Variants in BCKDHA observed in about 807,000 individuals in gnomAD.
BCKDHA encodes the protein branched chain keto acid dehydrogenase E1 subunit alpha, also known as 2-oxoisovalerate dehydrogenase subunit alpha, mitochondrial.
BCKDHA carries 43 observed loss-of-function variants against 52.2 expected under a neutral mutation model. That is an observed-to-expected ratio of 0.82 (90% CI 0.64 to 1.06). BCKDHA has a LOEUF of 1.06. Among genes scored for constraint, BCKDHA ranks in the 50% least tolerant of loss-of-function variants. BCKDHA has a pLI of 0.00. For missense variants in BCKDHA, 527 were observed against 621.3 expected (o/e 0.85, Z 1.61); for synonymous variants, 234 against 247.9 (o/e 0.94, Z 0.53).
intron 6 of BCKDHA, 51 bp downstream of exon 6, chr19:41,422,421 T>C (rs2039377806): frequency 6.2e-7 from 1 of 1,606,176 alleles, no homozygotes; most frequent in African/African-American, 1.3e-5. Flanking sequence ...TCTCCTTCCC[T>C]CCCCAATCCT....
In BCKDHA at chr19:41,410,494, G is replaced by C. The variant is rs921464733; in HGVS notation, c.109-143G>C. ...GCAGTGAGAAAGTGCTGGAGTTGGGGCTCAGACCCTGTGAGTCAGGCCCCA... is the reference window on the plus strand; with the variant it reads ...GCAGTGAGAAAGTGCTGGAGTTGGGCCTCAGACCCTGTGAGTCAGGCCCCA... On this transcript the variant is annotated intron_variant, in intron 1 of 8. Coordinates refer to ENST00000269980, the MANE Select transcript of BCKDHA (RefSeq NM_000709.4). 55 of 851,692 alleles carry C rather than the reference G, an allele frequency of 6.5e-5. No homozygotes were observed. In the Middle Eastern group the frequency reaches 1.4e-3, roughly 21 times the overall value. 52.8% of individuals were successfully genotyped at this position (851,692 alleles called of 1,614,324 possible). A position where few individuals can be genotyped will look rare whatever the true frequency, so the allele number is the denominator to read the frequency against.
In BCKDHA at chr19:41,422,811, C is replaced by T. The variant is rs766537321; in HGVS notation, c.995+41C>T. On this transcript the variant is annotated intron_variant, in intron 7 of 8. Coordinates refer to ENST00000269980, the MANE Select transcript of BCKDHA (RefSeq NM_000709.4). ...CCCGTCAGCACCCCCACAGCACTGACAGCCACCGTAGCATCTTCCTCATAT... is the reference window on the plus strand; with the variant it reads ...CCCGTCAGCACCCCCACAGCACTGATAGCCACCGTAGCATCTTCCTCATAT... 3.1e-6 allele frequency: 5 copies of T among 1,611,580 alleles called. No individual in the cohort carries two copies. In the South Asian group the frequency reaches 3.3e-5, roughly 11 times the overall value.
chr19:41,398,064 C>T (rs2039095962), intron 1 of BCKDHA, 129 bp downstream of exon 1: 2 of 735,536 alleles, frequency 2.7e-6, no homozygotes, highest in South Asian at 1.8e-5. Flanking sequence ...TGGGAGACTC[C>T]TTGGAGAAGA....
At chr19:41,406,376 G>A (rs2039193214) in intron 1 of BCKDHA, among the ~76,000 whole-genome samples, 1 of 152,042 alleles carries the variant, frequency 6.6e-6, no homozygotes, top group Admixed American at 6.6e-5. Flanking sequence ...TCCCTCTCTG[G>A]AGTATCTGCT....
At chr19:41,424,338 AAGGCT>A in intron 8 of BCKDHA, 95 bp from the exon 9 acceptor site, 1 of 1,338,070 alleles carries the variant, frequency 7.5e-7, no homozygotes, top group Non-Finnish European at 1.1e-6. Context: ...TGGGAACACA[AAGGCT>A]TGGAGTGGTT....
At chr19:41,402,860 C>T (rs1209018381) in intron 1 of BCKDHA, among the ~76,000 whole-genome samples, 1 of 152,138 alleles carries the variant, frequency 6.6e-6, no homozygotes, top group African/African-American at 2.4e-5. Flanking sequence ...AGGCTGGTCT[C>T]GAACTCCTGG....
chr19:41,414,036 T>A lies in BCKDHA; in HGVS notation c.376-13T>A, dbSNP rs780153229. 6 of 1,611,526 alleles carry A rather than the reference T, an allele frequency of 3.7e-6. No individual in the cohort carries two copies. The East Asian group carries it at 1.1e-4, about 30-fold the overall frequency. ...AACCAATTGTGGGACCCCGGTCCCC[T>A]CTACACCCCCAGGGCCGGATCTCCT... On this transcript the variant is annotated splice_polypyrimidine_tract_variant and intron_variant, in intron 3 of 8. Transcript: ENST00000269980.
rs114716391 is a variant in BCKDHA at position 41,422,165 on chromosome 19, G to T, written c.648G>T (p.Ala216=). The change falls in exon 6 of 9, where the codon GCG becomes GCT. Residue 216 remains alanine, a splice_region_variant and synonymous_variant. Coordinates refer to ENST00000269980, the MANE Select transcript of BCKDHA (RefSeq NM_000709.4). The part of the protein sequence containing the change: ...SSPLATQIPQ[A]VGAAYAAKRA... ...TCACCACCCTCTCATCCCCTGCAGC[G>T]GTGGGGGCGGCGTACGCAGCCAAGC... 6.9e-4 allele frequency: 1,107 copies of T among 1,613,218 alleles called. 9 individuals are homozygous for T. In the African/African-American group the frequency reaches 0.013, roughly 19 times the overall value.
intron 6 of BCKDHA, 57 bp downstream of exon 6, chr19:41,422,427 A>G: frequency 6.2e-7 from 1 of 1,601,168 alleles, no homozygotes; most frequent in South Asian, 1.1e-5. Context: ...TCCCTCCCCA[A>G]TCCTGCCACC....
chr19:41,402,597 A>C (rs1034485214), intron 1 of BCKDHA, among the ~76,000 whole-genome samples: 1 of 152,110 alleles, frequency 6.6e-6, no homozygotes, highest in Admixed American at 6.6e-5. Context: ...GATGGAGCTT[A>C]GATTCAAGTC....
rs1246970878 is a variant in BCKDHA at position 41,424,947 on chromosome 19, G to C, written c.*339G>C. 1 of 268,496 alleles carries C rather than the reference G, an allele frequency of 3.7e-6. No individual in the cohort carries two copies. The highest frequency in any genetic ancestry group is 7.5e-5 in the South Asian group (1 of 13,400). The allele number at this position is 268,496 out of a possible 1,614,324, so 16.6% of individuals were successfully genotyped here. A position where few individuals can be genotyped will look rare whatever the true frequency, so the allele number is the denominator to read the frequency against. On this transcript the variant is annotated 3_prime_UTR_variant, in exon 9 of 9. Coordinates refer to ENST00000269980, the MANE Select transcript of BCKDHA (RefSeq NM_000709.4). Reference sequence around the variant, plus strand: ...AGGTCAGCCTGTGGAACTTGCGCAGGTGCGAGTGGCCAGCAGAGGTCACGA... The same window carrying C: ...AGGTCAGCCTGTGGAACTTGCGCAGCTGCGAGTGGCCAGCAGAGGTCACGA...
chr19:41,413,310 G>T (rs1299160898), intron 3 of BCKDHA, among the ~76,000 whole-genome samples: 2 of 152,114 alleles, frequency 1.3e-5, no homozygotes, highest in Non-Finnish European at 2.9e-5. Flanking sequence ...TGCAAGGGAG[G>T]CCAGGGACCT....
rs989710137 is a variant in BCKDHA, at chr19:41,414,281, A to G, written c.484+124A>G. On this transcript the variant is annotated intron_variant, in intron 4 of 8. Transcript: ENST00000269980. ...TAAGGAGCTGGAAGAAGAGCTTTCC[A>G]AGCAAGAAAGAGACAAGCCAGGGTT... The G allele has an allele frequency of 1.1e-5, 11 of 997,642 alleles. No individual in the cohort carries two copies. The African/African-American group carries it at 1.8e-4, about 16-fold the overall frequency. The allele number at this position is 997,642 out of a possible 1,614,324, so 61.8% of individuals were successfully genotyped here. A position where few individuals can be genotyped will look rare whatever the true frequency, so the allele number is the denominator to read the frequency against.
intron 1 of BCKDHA, among the ~76,000 whole-genome samples, chr19:41,409,373 T>TA (rs2039227288): frequency 1.3e-5 from 2 of 152,298 alleles, no homozygotes; most frequent in South Asian, 4.1e-4. Context: ...CCATCATTGT[T>TA]ACTTGTTTAG....
intron 1 of BCKDHA, among the ~76,000 whole-genome samples, chr19:41,408,572 G>A (rs913067134): frequency 6.6e-6 from 1 of 151,690 alleles, no homozygotes; most frequent in African/African-American, 2.4e-5. Flanking sequence ...TTCCTCATCT[G>A]ACCTGAGGAG....
rs1163803451 is a variant in BCKDHA, at chr19:41,424,692, C to T, written c.*84C>T. ...AGGGGAGCAGGGGGACCTGACAGCA[C>T]ACCACTGTCTTCCCCAGTCAGCTCC... is the stretch of plus-strand genomic sequence containing the variant. On this transcript the variant is annotated 3_prime_UTR_variant, in exon 9 of 9. Coordinates refer to ENST00000269980, the MANE Select transcript of BCKDHA (RefSeq NM_000709.4). 1.4e-6 allele frequency: 2 copies of T among 1,436,408 alleles called. No homozygotes were observed. The highest frequency in any genetic ancestry group is 1.4e-5 in the African/African-American group (1 of 70,224). 89.0% of individuals were successfully genotyped at this position (1,436,408 alleles called of 1,614,324 possible). A position where few individuals can be genotyped will look rare whatever the true frequency, so the allele number is the denominator to read the frequency against.
chr19:41,423,044 G>A lies in BCKDHA; in HGVS notation c.1042G>A (p.Val348Met). The change falls in exon 8 of 9, where the codon GTG becomes ATG. Residue 348 changes from valine (V) to methionine (M), a missense_variant. Coordinates refer to ENST00000269980, the MANE Select transcript of BCKDHA (RefSeq NM_000709.4). ...TGACGACAGTTCAGCGTACCGCTCG[G>A]TGGATGAGGTCAATTACTGGGATAA... ...TSDDSSAYRS[V>M]DEVNYWDKQD... 6.2e-7 allele frequency: 1 copy of A among 1,604,858 alleles called. No individual in the cohort carries two copies. The highest frequency in any genetic ancestry group is 8.5e-7 in the Non-Finnish European group (1 of 1,175,554).
At chr19:41,413,268 G>A (rs1046267666) in intron 3 of BCKDHA, among the ~76,000 whole-genome samples, 3 of 152,178 alleles carry the variant, frequency 2.0e-5, no homozygotes, top group Non-Finnish European at 4.4e-5. Flanking sequence ...CAAAATATCT[G>A]GCTAAAACTG....
rs2039374030 is a variant in BCKDHA at position 41,422,222 on chromosome 19, C to T, written c.705C>T (p.Tyr235=). The change falls in exon 6 of 9, where the codon TAC becomes TAT. Residue 235 remains tyrosine (Y), a synonymous_variant. Coordinates refer to ENST00000269980, the MANE Select transcript of BCKDHA (RefSeq NM_000709.4). ...RANANRVVIC[Y]FGEGAASEGD... is the part of the protein sequence containing the mutation. ...ATGCCAACAGGGTCGTCATCTGTTACTTCGGCGAGGGGGCAGCCAGTGAGG... is the reference window on the plus strand; with the variant it reads ...ATGCCAACAGGGTCGTCATCTGTTATTTCGGCGAGGGGGCAGCCAGTGAGG... 1 of 1,614,188 alleles carries T rather than the reference C, an allele frequency of 6.2e-7. No homozygotes were observed. Among genetic ancestry groups the T allele is most frequent in the Non-Finnish European group, 8.5e-7 (1 of 1,180,008 alleles).
Sources: allele counts gnomAD v4.1 joint callset (sites outside exome capture counted in the v4.1 genomes callset), GRCh38; gene constraint gnomAD v4.1.1; transcripts MANE v1.5; gene names NCBI Gene and HGNC (gene_info 2026-07-23, HGNC 2026-07-21).